EFHC1: variants seen among roughly 807,000 people sequenced by gnomAD.
EFHC1 encodes the protein EF-hand domain containing 1, also known as EF-hand domain-containing protein 1.
A neutral mutation model predicts 69.9 loss-of-function variants in EFHC1; 53 were observed. That is an observed-to-expected ratio of 0.76 (90% CI 0.61 to 0.95). EFHC1 has a LOEUF of 0.95. EFHC1 is among the 40% of genes least tolerant of loss of function. The pLI is 0.00. For missense variants in EFHC1, 739 were observed against 798.7 expected, an observed-to-expected ratio of 0.93 and a Z score of 0.90; for synonymous variants, 256 against 278.4, an observed-to-expected ratio of 0.92 and a Z score of 0.80.
intron 5 of EFHC1, among the ~76,000 whole-genome samples, chr6:52,461,109 G>A (rs1765155844): frequency 1.3e-5 from 2 of 152,038 alleles, no homozygotes. Flanking sequence ...GGGTACATGT[G>A]CAGGTTTGTT....
chr6:52,426,771 C>A (rs533888508), intron 2 of EFHC1, among the ~76,000 whole-genome samples: 1 of 152,328 alleles, frequency 6.6e-6, no homozygotes, highest in East Asian at 1.9e-4. Flanking sequence ...CTTTATCCTC[C>A]ACACTTAATG....
In EFHC1 at chr6:52,476,052, C is replaced by T. The variant is rs530577529; in HGVS notation, c.1279-2985C>T. ...TACCTGAGAGAGCTTCATGTAAGAC[C>T]GAGACAGTGTGCAGTGAATGGAGGG... On this transcript the variant is annotated intron_variant, in intron 7 of 10. Transcript: ENST00000371068. 6.1e-4 allele frequency among the ~76,000 whole-genome samples: 92 copies of T among 152,032 alleles called. 1 individual carries two copies. Among genetic ancestry groups the T allele is most frequent in the African/African-American group, 2.0e-3 (83 of 41,464 alleles).
In EFHC1 at chr6:52,454,014, G is replaced by A. The variant is rs114962481; in HGVS notation, c.724-81G>A. ...AGTCTTTCCAGCTAGTCTTTCCATC[G>A]TTGATACATAATTGCCAAAGTAGCC... On this transcript the variant is annotated intron_variant, in intron 4 of 10. Transcript: ENST00000371068. The A allele has an allele frequency of 1.2e-3, 1,988 of 1,605,882 alleles. 5 individuals carry two copies. Among genetic ancestry groups the A allele is most frequent in the Non-Finnish European group, 1.4e-3 (1,616 of 1,177,836 alleles).
Position 52,495,434 on chromosome 6 carries a change from T to C in EFHC1, c.*3093T>C, listed in dbSNP as rs1247775666. The C allele has an allele frequency of 2.2e-6, 1 of 454,158 alleles. No homozygotes were observed. The highest frequency in any genetic ancestry group is 2.3e-5 in the Admixed American group (1 of 42,580). The allele number at this position is 454,158 out of a possible 1,614,324, so 28.1% of individuals were successfully genotyped here. A position where few individuals can be genotyped will look rare whatever the true frequency, so the allele number is the denominator to read the frequency against. Reference sequence around the variant, plus strand: ...CTCCTGTGGTAGAGGAGCTTTGGGCTACTCCTTAACAAATCATTCATGGAT... The same window carrying C: ...CTCCTGTGGTAGAGGAGCTTTGGGCCACTCCTTAACAAATCATTCATGGAT... On this transcript the variant is annotated 3_prime_UTR_variant, in exon 11 of 11. Transcript: ENST00000371068.
intron 3 of EFHC1, among the ~76,000 whole-genome samples, chr6:52,446,250 T>C (rs1764783329): frequency 6.6e-6 from 1 of 152,214 alleles, no homozygotes; most frequent in Non-Finnish European, 1.5e-5. Context: ...GCTCCTGTAT[T>C]GGGTGCATAT....
At position 52,492,259 on chromosome 6, in the gene EFHC1, T is replaced by G; in HGVS notation, c.1852-11T>G. 4.3e-6 allele frequency: 7 copies of G among 1,613,216 alleles called. No individual in the cohort carries two copies. Among genetic ancestry groups the G allele is most frequent in the Non-Finnish European group, 5.9e-6 (7 of 1,179,300 alleles). On this transcript the variant is annotated splice_polypyrimidine_tract_variant and intron_variant, in intron 10 of 10. Transcript: ENST00000371068. ...GATCTGTCTCACCTATTCTCTTTGC[T>G]CTCTCTGCAGTTAATCAGGATGTGC...
At chr6:52,479,536 T>C in intron 8 of EFHC1, 104 bp from the exon 9 acceptor site, 1 of 1,535,148 alleles carries the variant, frequency 6.5e-7, no homozygotes, top group Non-Finnish European at 9.0e-7. Context: ...GTTTCTGTCA[T>C]AAATGCATAC....
intron 3 of EFHC1, among the ~76,000 whole-genome samples, chr6:52,450,593 A>T (rs888943114): frequency 1.3e-5 from 2 of 152,052 alleles, no homozygotes; most frequent in African/African-American, 4.8e-5. Flanking sequence ...TTGGTGGTTT[A>T]AAGTCTGTTT....
chr6:52,479,935 A>G lies in EFHC1; in HGVS notation c.1640+148A>G, dbSNP rs1581847832. The G allele has an allele frequency of 6.5e-6, 8 of 1,239,232 alleles. No homozygotes were observed. The Admixed American group carries it at 1.0e-4, about 16-fold the overall frequency. 76.8% of individuals were successfully genotyped at this position (1,239,232 alleles called of 1,614,324 possible). A position where few individuals can be genotyped will look rare whatever the true frequency, so the allele number is the denominator to read the frequency against. The stretch of plus-strand genomic sequence containing the variant: ...TATAAACAGAAGGTTCCCTGTGTCA[A>G]TGTAATAGCTAGTAACTTAGAACTT... On this transcript the variant is annotated intron_variant, in intron 9 of 10. Transcript: ENST00000371068.
intron 5 of EFHC1, among the ~76,000 whole-genome samples, chr6:52,459,253 T>C (rs1765108792): frequency 6.6e-6 from 1 of 152,188 alleles, no homozygotes; most frequent in Admixed American, 6.5e-5. Context: ...AGTTTTGCTT[T>C]TCAAAAGACA....
At chr6:52,436,313 C>T (rs1431994970) in intron 2 of EFHC1, among the ~76,000 whole-genome samples, 1 of 152,140 alleles carries the variant, frequency 6.6e-6, no homozygotes. Context: ...TTCTCCTATG[C>T]ACTTGTATGC....
chr6:52,420,994 C>T (rs1307569740), intron 1 of EFHC1: 2 of 1,026,414 alleles, frequency 1.9e-6, no homozygotes, highest in Admixed American at 5.1e-5. Flanking sequence ...ATCCTGTACC[C>T]GGTAGTATCT....
intron 7 of EFHC1, among the ~76,000 whole-genome samples, chr6:52,476,187 A>G (rs949404599): frequency 2.0e-5 from 3 of 152,254 alleles, no homozygotes; most frequent in African/African-American, 7.2e-5. Context: ...AAGAAAGTAT[A>G]GATAACAAGC....
chr6:52,442,714 G>T (rs1764692538), intron 3 of EFHC1, among the ~76,000 whole-genome samples: 1 of 152,134 alleles, frequency 6.6e-6, no homozygotes, highest in Non-Finnish European at 1.5e-5. Flanking sequence ...ATTTGGGTTG[G>T]TTCCAAGTCT....
Position 52,494,344 on chromosome 6 carries a change from T to C in EFHC1, c.*2003T>C, listed in dbSNP as rs1023125244. Reference sequence around the variant, plus strand: ...GCTTAGAAGCCTGTGGTAAAGAGTGTGTGTATACTGGGGTGATGATAGTGG... The same window carrying C: ...GCTTAGAAGCCTGTGGTAAAGAGTGCGTGTATACTGGGGTGATGATAGTGG... On this transcript the variant is annotated 3_prime_UTR_variant, in exon 11 of 11. Transcript: ENST00000371068. 4.4e-6 allele frequency: 2 copies of C among 454,136 alleles called. No homozygotes were observed. The highest frequency in any genetic ancestry group is 3.1e-5 in the South Asian group (2 of 64,482). 28.1% of individuals were successfully genotyped at this position (454,136 alleles called of 1,614,324 possible).
chr6:52,482,215 G>C (rs1266792), intron 9 of EFHC1: 131,992 of 151,834 alleles, frequency 0.87, 57,452 homozygotes, highest in East Asian at 0.96. Context: ...TGGTGGTGCA[G>C]ACCTATAATC....
rs180725256 is a variant in EFHC1 at position 52,489,996 on chromosome 6, G to T, written c.1641-144G>T. The T allele has an allele frequency of 2.1e-4, 161 of 773,640 alleles. No homozygotes were observed. The African/African-American group carries it at 2.6e-3, about 13-fold the overall frequency. 47.9% of individuals were successfully genotyped at this position (773,640 alleles called of 1,614,324 possible). ...GTGGAGGTCAGCTATCGGCCTGTGG[G>T]CAAGTGTTCAGTTATTGGTCAGCTC... On this transcript the variant is annotated intron_variant, in intron 9 of 10. Transcript: ENST00000371068.
chr6:52,492,838 A>G lies in EFHC1; in HGVS notation c.*497A>G, dbSNP rs1765940489. On this transcript the variant is annotated 3_prime_UTR_variant, in exon 11 of 11. Transcript: ENST00000371068. ...TGCTAGGTTGCCTGAACTTGTCTCAAACTCATGAGCTCCAGAAATTCTCCC... is the reference window on the plus strand; with the variant it reads ...TGCTAGGTTGCCTGAACTTGTCTCAGACTCATGAGCTCCAGAAATTCTCCC... 2.2e-6 allele frequency: 1 copy of G among 446,916 alleles called. No individual in the cohort carries two copies. Among genetic ancestry groups the G allele is most frequent in the South Asian group, 1.6e-5 (1 of 63,154 alleles). The allele number at this position is 446,916 out of a possible 1,614,324, so 27.7% of individuals were successfully genotyped here. A position where few individuals can be genotyped will look rare whatever the true frequency, so the allele number is the denominator to read the frequency against.
intron 1 of EFHC1, chr6:52,423,567 T>A: frequency 2.2e-6 from 1 of 462,526 alleles, no homozygotes; most frequent in Non-Finnish European, 3.8e-6. Context: ...AGTGGTTCAA[T>A]CATAGCTTAT....
Sources: gnomAD v4.1 joint callset for allele counts (sites outside exome capture counted in the v4.1 genomes callset) on GRCh38, gnomAD v4.1.1 for gene constraint, MANE v1.5 for transcripts, NCBI Gene and HGNC (gene_info 2026-07-23, HGNC 2026-07-21) for gene names.